The following LGR6 variants were observed in gnomAD, a reference collection of about 807,000 sequenced individuals.
LGR6 encodes the protein leucine-rich repeat-containing G protein-coupled receptor 6.
In LGR6, 45 loss-of-function variants were observed where a neutral mutation model predicts 69.4. The observed-to-expected ratio is 0.65, with a 90% CI of 0.51 to 0.83. The LOEUF (loss-of-function observed/expected upper bound fraction) is 0.83. Among genes scored for constraint, LGR6 ranks in the 40% least tolerant of loss-of-function variants. The pLI is 0.00. For synonymous variants in LGR6, 538 were observed against 555.0 expected, an observed-to-expected ratio of 0.97 and a Z score of 0.43; for missense variants, 1,108 against 1,246.7, an observed-to-expected ratio of 0.89 and a Z score of 1.68.
At chr1:202,257,381 G>A (rs1323532485) in intron 4 of LGR6, among the ~76,000 whole-genome samples, 2 of 152,004 alleles carry the variant, frequency 1.3e-5, no homozygotes, top group African/African-American at 2.4e-5. Flanking sequence ...TACCTAATCC[G>A]AGGTCAGAAA....
At chr1:202,244,757 G>A (rs1184182221) in intron 4 of LGR6, among the ~76,000 whole-genome samples, 1 of 152,260 alleles carries the variant, frequency 6.6e-6, no homozygotes, top group East Asian at 1.9e-4. Flanking sequence ...ATCTTCTGGG[G>A]CCTCCATTTC....
At chr1:202,306,476 C>T (rs999140669) in intron 12 of LGR6, among the ~76,000 whole-genome samples, 2 of 152,140 alleles carry the variant, frequency 1.3e-5, no homozygotes, top group African/African-American at 4.8e-5. Context: ...TCCCATTCAA[C>T]CAGTCTACTG....
chr1:202,293,877 G>T (rs1472401414), intron 6 of LGR6, among the ~76,000 whole-genome samples: 1 of 152,206 alleles, frequency 6.6e-6, no homozygotes, highest in Non-Finnish European at 1.5e-5. Flanking sequence ...GCTACTGTCT[G>T]TTAGGCCACT....
chr1:202,252,277 A>G lies in LGR6; in HGVS notation c.428+16284A>G, dbSNP rs142058062. ...GCTTAAGCTGTTTCTCAGACTAGGA[A>G]GTCTTTCCTTTTCCTTTCTGCCAAG... On this transcript the variant is annotated intron_variant, in intron 4 of 17. Coordinates refer to ENST00000367278, the MANE Select transcript of LGR6 (RefSeq NM_001017403.2). Among the ~76,000 whole-genome samples, 540 of 152,136 alleles carry G rather than the reference A, an allele frequency of 3.5e-3. 5 individuals carry two copies. The highest frequency in any genetic ancestry group is 0.012 in the African/African-American group (516 of 41,488).
In LGR6 at chr1:202,319,180, T is replaced by C; in HGVS notation, c.2877T>C (p.Ser959=). 6.2e-7 allele frequency: 1 copy of C among 1,609,080 alleles called. No individual in the cohort carries two copies. ...CAGGGGGTGGCGGCTTTCAGCCCTC[T>C]GGCTTGGCCTTTGCTTCACACGTGT... ...GLSGGGGFQP[S]GLAFASHV is the part of the protein sequence containing the mutation. The change falls in exon 18 of 18, where the codon TCT becomes TCC. Residue 959 remains serine, a synonymous_variant. Coordinates refer to ENST00000367278, the MANE Select transcript of LGR6 (RefSeq NM_001017403.2).
chr1:202,253,601 C>A (rs1489173374), intron 4 of LGR6, among the ~76,000 whole-genome samples: 10 of 149,636 alleles, frequency 6.7e-5, no homozygotes, highest in Non-Finnish European at 1.0e-4. Flanking sequence ...CCGCGCCTGG[C>A]CAAGATGGTC....
At chr1:202,316,195 T>A (rs788800) in intron 17 of LGR6, among the ~76,000 whole-genome samples, 86,033 of 151,974 alleles carry the variant, frequency 0.57, 25,641 homozygotes, top group East Asian at 0.75. Flanking sequence ...AAGGAAAGAG[T>A]TTTGTTTGAC....
chr1:202,297,915 T>A (rs950513324), intron 7 of LGR6, among the ~76,000 whole-genome samples: 1 of 152,350 alleles, frequency 6.6e-6, no homozygotes, highest in Middle Eastern at 3.4e-3. Context: ...CAGAGAAGAA[T>A]GAGGAAAGGA....
intron 10 of LGR6, among the ~76,000 whole-genome samples, chr1:202,303,647 T>C (rs1467535617): frequency 1.3e-5 from 2 of 152,240 alleles, no homozygotes; most frequent in Non-Finnish European, 2.9e-5. Context: ...GTTGAAGTGA[T>C]GGAGAGGAGG....
chr1:202,212,922 T>C (rs1472928452), intron 1 of LGR6, among the ~76,000 whole-genome samples: 1 of 152,148 alleles, frequency 6.6e-6, no homozygotes, highest in African/African-American at 2.4e-5. Context: ...ATGTCTCTCT[T>C]GGCCAGCTCA....
At chr1:202,246,445 A>C (rs191611955) in intron 4 of LGR6, among the ~76,000 whole-genome samples, 1 of 111,544 alleles carries the variant, frequency 9.0e-6, no homozygotes, top group East Asian at 2.4e-4. Context: ...CCATCCCTCC[A>C]TGCATCCATC....
At chr1:202,293,699 A>G (rs898070357) in intron 6 of LGR6, among the ~76,000 whole-genome samples, 7 of 152,174 alleles carry the variant, frequency 4.6e-5, no homozygotes, top group African/African-American at 1.7e-4. Context: ...GACTTTGGCA[A>G]TTTCCCAGGT....
At chr1:202,211,006 G>A (rs897082285) in intron 1 of LGR6, among the ~76,000 whole-genome samples, 5 of 152,222 alleles carry the variant, frequency 3.3e-5, no homozygotes, top group Non-Finnish European at 5.9e-5. Flanking sequence ...CTGGTTGTGG[G>A]GGGACTTAGA....
At chr1:202,239,343 T>TGG (rs1250247082) in intron 4 of LGR6, among the ~76,000 whole-genome samples, 1 of 100,736 alleles carries the variant, frequency 9.9e-6, no homozygotes, top group Non-Finnish European at 2.0e-5. Flanking sequence ...TGTGTGTGTG[T>TGG]GGTGTGTGTG....
intron 4 of LGR6, among the ~76,000 whole-genome samples, chr1:202,240,211 A>C (rs944099911): frequency 1.3e-4 from 20 of 152,138 alleles, no homozygotes; most frequent in African/African-American, 4.8e-4. Flanking sequence ...CGTCTCTACT[A>C]AAAATTCAAA....
intron 4 of LGR6, among the ~76,000 whole-genome samples, chr1:202,269,910 G>A (rs1474681602): frequency 6.6e-6 from 1 of 152,194 alleles, no homozygotes; most frequent in Non-Finnish European, 1.5e-5. Context: ...CTTTGCACGA[G>A]TGATTGCTTT....
At chr1:202,246,424 T>C (rs1353568142) in intron 4 of LGR6, among the ~76,000 whole-genome samples, 5 of 79,120 alleles carry the variant, frequency 6.3e-5, no homozygotes, top group Non-Finnish European at 9.6e-5. Context: ...ATCCATCCCC[T>C]GTCCCTCCAT....
At chr1:202,303,242 G>T in intron 9 of LGR6, 37 bp from the exon 10 acceptor site, 1 of 1,527,934 alleles carries the variant, frequency 6.5e-7, no homozygotes, top group Non-Finnish European at 9.1e-7. Context: ...GAGATGCTCT[G>T]ACCCCACCCC....
intron 5 of LGR6, among the ~76,000 whole-genome samples, chr1:202,278,272 G>A (rs576114491): frequency 6.6e-6 from 1 of 152,202 alleles, no homozygotes; most frequent in East Asian, 1.9e-4. Flanking sequence ...ATGACTGTGA[G>A]GGCTGTTTTG....
Sources: allele counts gnomAD v4.1 joint callset (sites outside exome capture counted in the v4.1 genomes callset), GRCh38; gene constraint gnomAD v4.1.1; transcripts MANE v1.5; gene names NCBI Gene and HGNC (gene_info 2026-07-23, HGNC 2026-07-21).